ERBB3: variants seen among roughly 807,000 people sequenced by gnomAD.
ERBB3 encodes the protein receptor tyrosine-protein kinase erbB-3.
ERBB3 carries 96 observed loss-of-function variants against 156.7 expected under a neutral mutation model. That is an observed-to-expected ratio of 0.61 (90% confidence interval 0.52 to 0.73). ERBB3 has a LOEUF of 0.73. ERBB3 is among the 30% of genes least tolerant of loss of function. The pLI is 0.00. For synonymous variants in ERBB3, 567 were observed against 632.0 expected (o/e 0.90, Z 1.54); for missense variants, 1,406 against 1,709.4 (o/e 0.82, Z 3.13).
At chr12:56,095,886 G>A (rs949015410) in intron 17 of ERBB3, 80 bp downstream of exon 17, 16 of 1,492,312 alleles carry the variant, frequency 1.1e-5, no homozygotes, top group Admixed American at 5.0e-5. Context: ...AATTTTGAGT[G>A]GTACCCTGTG....
At chr12:56,083,262 G>T in intron 1 of ERBB3, 1 of 218,772 alleles carries the variant, frequency 4.6e-6, no homozygotes, top group Non-Finnish European at 9.2e-6. Context: ...CCCACCCTCT[G>T]CCCCCATCCC....
rs917639943 is a variant in ERBB3, at chr12:56,096,379, T to G, written c.2056-124T>G. On this transcript the variant is annotated intron_variant, in intron 17 of 27. Transcript: ENST00000267101. Reference sequence around the variant, plus strand: ...ATATGCCTATAATCCATTCCAGGACTAACGGTGCTTCCTCTTCCTGCCCTT... The same window carrying G: ...ATATGCCTATAATCCATTCCAGGACGAACGGTGCTTCCTCTTCCTGCCCTT... 5 of 1,189,376 alleles carry G rather than the reference T, an allele frequency of 4.2e-6. No individual in the cohort carries two copies. In the African/African-American group the frequency reaches 7.5e-5, roughly 18 times the overall value. 73.7% of individuals were successfully genotyped at this position (1,189,376 alleles called of 1,614,324 possible). A position where few individuals can be genotyped will look rare whatever the true frequency, so the allele number is the denominator to read the frequency against.
intron 1 of ERBB3, among the ~76,000 whole-genome samples, chr12:56,082,829 G>A (rs1251246460): frequency 6.6e-6 from 1 of 152,128 alleles, no homozygotes; most frequent in African/African-American, 2.4e-5. Flanking sequence ...ATGGTGAAAG[G>A]CTTTTTCATG....
chr12:56,085,270 A>C (rs552306307), intron 3 of ERBB3, 89 bp downstream of exon 3: 1 of 1,605,266 alleles, frequency 6.2e-7, no homozygotes, highest in South Asian at 1.1e-5. Flanking sequence ...TGCTCACTCT[A>C]AGTGCCTCTT....
intron 20 of ERBB3, among the ~76,000 whole-genome samples, chr12:56,097,542 G>T (rs1282991256): frequency 6.6e-6 from 1 of 152,154 alleles, no homozygotes; most frequent in Non-Finnish European, 1.5e-5. Flanking sequence ...GCATGTGAAG[G>T]ATCTAGGTTG....
chr12:56,099,451 C>A (rs763166060), intron 23 of ERBB3, among the ~76,000 whole-genome samples, 197 bp from the exon 24 acceptor site: 2 of 150,372 alleles, frequency 1.3e-5, no homozygotes, highest in Non-Finnish European at 3.0e-5. Context: ...TGCACCACCA[C>A]GCCCAGCTAA....
Position 56,097,062 on chromosome 12 carries a change from C to T in ERBB3, c.2292C>T (p.Gly764=), listed in dbSNP as rs2136818344. 2.5e-6 allele frequency: 4 copies of T among 1,614,078 alleles called. No individual in the cohort carries two copies. In the South Asian group the frequency reaches 4.4e-5, roughly 18 times the overall value. The part of the protein sequence containing the change: ...QAVTDHMLAI[G]SLDHAHIVRL... ...TCTCTTAGCATATGCTGGCCATTGGCAGCCTGGACCATGCCCACATTGTAA... is the reference window on the plus strand; with the variant it reads ...TCTCTTAGCATATGCTGGCCATTGGTAGCCTGGACCATGCCCACATTGTAA... Residue 764 remains glycine, a synonymous_variant, in exon 20 of 28, where the codon GGC becomes GGT. Transcript: ENST00000267101.
intron 17 of ERBB3, 186 bp downstream of exon 17, chr12:56,095,992 G>C (rs1030381930): frequency 8.9e-6 from 6 of 672,222 alleles, no homozygotes; most frequent in Non-Finnish European, 7.8e-6. Context: ...TCCCCTAGAA[G>C]AACACTGGTC....
chr12:56,093,199 G>A, intron 11 of ERBB3, 123 bp downstream of exon 11: 1 of 1,161,924 alleles, frequency 8.6e-7, no homozygotes, highest in Non-Finnish European at 1.3e-6. Context: ...GGGTTTCAGA[G>A]TTTCACGAGG....
At chr12:56,098,955 CTTTTTTTTTT>C in intron 23 of ERBB3, 50 bp downstream of exon 23, 2 of 1,270,888 alleles carry the variant, frequency 1.6e-6, no homozygotes, top group Non-Finnish European at 2.2e-6. Flanking sequence ...CTTTTTTTTT[CTTTTTTTTTT>C]TTTTTTGAGA....
rs569343770 is a variant in ERBB3, at chr12:56,086,812, G to A, written c.547+156G>A. On this transcript the variant is annotated intron_variant, in intron 4 of 27. Transcript: ENST00000267101. ...CAGCCCACCAGGGCAGACCATTCCA[G>A]TCTCCTGGAATCTAAACCACAGAGG... The A allele has an allele frequency of 7.0e-5, 59 of 839,988 alleles. No individual in the cohort carries two copies. In the African/African-American group the frequency reaches 8.3e-4, roughly 12 times the overall value. 52.0% of individuals were successfully genotyped at this position (839,988 alleles called of 1,614,324 possible). A position where few individuals can be genotyped will look rare whatever the true frequency, so the allele number is the denominator to read the frequency against.
Position 56,101,212 on chromosome 12 carries a change from G to C in ERBB3, c.3353G>C (p.Arg1118Pro), listed in dbSNP as rs201958747. Residue 1118 changes from arginine (R) to proline (P), a missense_variant, in exon 27 of 28, where the codon CGG becomes CCG. By Grantham distance (103) the Arg-to-Pro change is moderately radical. Coordinates refer to ENST00000267101, the MANE Select transcript of ERBB3 (RefSeq NM_001982.4). ...LQEKVSMCRS[R>P]SRSRSPRPRG... The stretch of plus-strand genomic sequence containing the variant: ...GAGAAAGTGTCAATGTGTAGGAGCC[G>C]GAGCAGGAGCCGGAGCCCACGGCCA... 7 of 1,613,686 alleles carry C rather than the reference G, an allele frequency of 4.3e-6. No homozygotes were observed. The highest frequency in any genetic ancestry group is 8.5e-7 in the Non-Finnish European group (1 of 1,179,836).
At position 56,097,929 on chromosome 12, in the gene ERBB3, A is replaced by G; in HGVS notation, c.2605A>G (p.Ser869Gly). Residue 869 changes from serine to glycine, a missense_variant, in exon 21 of 28, where the codon AGT becomes GGT. Coordinates refer to ENST00000267101, the MANE Select transcript of ERBB3 (RefSeq NM_001982.4). Reference protein sequence around the residue: ...LPPDDKQLLYSEAKTPIKWMA... With the variant: ...LPPDDKQLLYGEAKTPIKWMA... ...TCCTGATGATAAGCAGCTGCTATAC[A>G]GTGAGGCCAAGGTGAGGAGACACAA... 1 of 1,613,292 alleles carries G rather than the reference A, an allele frequency of 6.2e-7. No individual in the cohort carries two copies. Among genetic ancestry groups the G allele is most frequent in the Non-Finnish European group, 8.5e-7 (1 of 1,179,990 alleles).
chr12:56,089,239 T>TTCTCGTGCCTCAG, intron 9 of ERBB3: 1 of 428,674 alleles, frequency 2.3e-6, no homozygotes, highest in South Asian at 1.7e-5. Flanking sequence ...GCTCAAGTGA[T>TTCTCGTGCCTCAG]CCCAAGTAGC....
chr12:56,101,970 G>C lies in ERBB3; in HGVS notation c.3944G>C (p.Ser1315Thr). 1 of 1,613,858 alleles carries C rather than the reference G, an allele frequency of 6.2e-7. No individual in the cohort carries two copies. Among genetic ancestry groups the C allele is most frequent in the Non-Finnish European group, 8.5e-7 (1 of 1,179,980 alleles). Reference protein sequence around the residue: ...VHYARLKTLRSLEATDSAFDN... With the variant: ...VHYARLKTLRTLEATDSAFDN... ...TATGCCCGCCTAAAAACTCTACGTA[G>C]CTTAGAGGCTACAGACTCTGCCTTT... Residue 1315 changes from serine to threonine, a missense_variant, in exon 28 of 28, where the codon AGC becomes ACC. Ser to Thr is a moderately conservative substitution (Grantham distance 58). Transcript: ENST00000267101.
intron 3 of ERBB3, 151 bp from the exon 4 acceptor site, chr12:56,086,380 A>T: frequency 1.1e-6 from 1 of 912,324 alleles, no homozygotes; most frequent in Non-Finnish European, 1.8e-6. Context: ...TTATAAAGGG[A>T]GTCTTCTCTG....
intron 1 of ERBB3, among the ~76,000 whole-genome samples, chr12:56,081,732 C>T (rs1368959541): frequency 3.3e-5 from 5 of 152,030 alleles, no homozygotes; most frequent in South Asian, 2.1e-4. Context: ...TCTGGGCATC[C>T]GGCCCTGTCT....
chr12:56,093,586 G>T, intron 12 of ERBB3, 36 bp downstream of exon 12: 1 of 1,594,516 alleles, frequency 6.3e-7, no homozygotes. Flanking sequence ...TGAGAATAGG[G>T]AGTCAGGGAG....
At chr12:56,084,030 A>G in intron 2 of ERBB3, 128 bp downstream of exon 2, 1 of 948,444 alleles carries the variant, frequency 1.1e-6, no homozygotes. Flanking sequence ...CTAAGATTCA[A>G]AACCGTGTAT....
Sources: gnomAD v4.1 joint callset for allele counts (sites outside exome capture counted in the v4.1 genomes callset) on GRCh38, gnomAD v4.1.1 for gene constraint, MANE v1.5 for transcripts, NCBI Gene and HGNC (gene_info 2026-07-23, HGNC 2026-07-21) for gene names.